Variants in NME4 observed in about 807,000 individuals in gnomAD.
The protein encoded by NME4 is nucleoside diphosphate kinase D, mitochondrial.
NME4 carries 21 observed loss-of-function variants against 16.4 expected under a neutral mutation model. That is an observed-to-expected ratio of 1.28 (90% CI 0.91 to 1.84). The LOEUF is 1.84. NME4 is among the 40% of genes most tolerant of loss of function. NME4 has a pLI of 0.00. For synonymous variants in NME4, 132 were observed against 107.5 expected, an observed-to-expected ratio of 1.23 and a Z score of -1.41; for missense variants, 316 against 261.3, an observed-to-expected ratio of 1.21 and a Z score of -1.44.
At chr16:398,467 G>A in intron 1 of NME4, 1 of 1,101,550 alleles carries the variant, frequency 9.1e-7, no homozygotes, top group Non-Finnish European at 1.2e-6. Flanking sequence ...TTCCTCATGT[G>A]GAAAGTCGGG....
At position 398,228 on chromosome 16, in the gene NME4, G is replaced by A. The variant is rs776975034; in HGVS notation, c.92-762G>A. 1.3e-4 allele frequency: 194 copies of A among 1,438,612 alleles called. 3 individuals carry two copies. In the South Asian group the frequency reaches 2.0e-3, roughly 15 times the overall value. The allele number at this position is 1,438,612 out of a possible 1,614,324, so 89.1% of individuals were successfully genotyped here. On this transcript the variant is annotated intron_variant, in intron 1 of 4. Coordinates refer to ENST00000219479, the MANE Select transcript of NME4 (RefSeq NM_005009.3). The stretch of plus-strand genomic sequence containing the variant: ...GGCAGCGTCCCCTCCAGAGGAGGAC[G>A]GCTGGGGCGGAGCTCAGCGCTGACC...
rs772071802 is a variant in NME4 at position 399,057 on chromosome 16, C to T, written c.159C>T (p.Leu53=). Residue 53 remains leucine, a synonymous_variant, in exon 2 of 5, where the codon CTC becomes CTT. Coordinates refer to ENST00000219479, the MANE Select transcript of NME4 (RefSeq NM_005009.3). ...AVKPDGVQRR[L]VGDVIQRFER... Reference sequence around the variant, plus strand: ...AGCCCGATGGCGTGCAACGGCGGCTCGTTGGGGACGTGATCCAGCGCTTTG... The same window carrying T: ...AGCCCGATGGCGTGCAACGGCGGCTTGTTGGGGACGTGATCCAGCGCTTTG... The T allele has an allele frequency of 7.5e-6, 12 of 1,606,080 alleles. No individual in the cohort carries two copies. Among genetic ancestry groups the T allele is most frequent in the African/African-American group, 4.0e-5 (3 of 74,870 alleles).
chr16:397,791 TCTGA>T (rs886408742), intron 1 of NME4: 14 of 1,345,874 alleles, frequency 1.0e-5, no homozygotes, highest in Non-Finnish European at 1.1e-5. Flanking sequence ...TAGGCCAGAA[TCTGA>T]CTGGGACGTC....
intron 1 of NME4, chr16:398,354 C>T (rs1395842350): frequency 7.8e-7 from 1 of 1,281,488 alleles, no homozygotes; most frequent in Non-Finnish European, 1.0e-6. Context: ...ATCTTCAGGC[C>T]CCTTTTTGTC....
rs771593314 is a variant in NME4 at position 399,436 on chromosome 16, C to T, written c.283C>T (p.Pro95Ser). ...YQDLRRKPFY[P>S]ALIRYMSSGP... ...GGACCTGCGGAGGAAGCCCTTCTAC[C>T]CTGCCCTCATCCGCTACATGAGCTC... Residue 95 changes from proline (P) to serine (S), a missense_variant, in exon 3 of 5, where the codon CCT becomes TCT. By Grantham distance (74) the Pro-to-Ser change is moderately conservative. Coordinates refer to ENST00000219479, the MANE Select transcript of NME4 (RefSeq NM_005009.3). 1.2e-6 allele frequency: 2 copies of T among 1,612,994 alleles called. No individual in the cohort carries two copies. The highest frequency in any genetic ancestry group is 1.7e-6 in the Non-Finnish European group (2 of 1,179,980).
chr16:399,813 C>T (rs1241703603), intron 4 of NME4, 74 bp downstream of exon 4: 82 of 1,228,878 alleles, frequency 6.7e-5, no homozygotes, highest in Non-Finnish European at 7.9e-5. Flanking sequence ...GGCAGATCCA[C>T]GAGACCTGGC....
In NME4 at chr16:397,273, G is replaced by C; in HGVS notation, c.51G>C (p.Pro17=). 1 of 1,054,634 alleles carries C rather than the reference G, an allele frequency of 9.5e-7. No homozygotes were observed. The highest frequency in any genetic ancestry group is 1.1e-6 in the Non-Finnish European group (1 of 876,954). 65.3% of individuals were successfully genotyped at this position (1,054,634 alleles called of 1,614,324 possible). The stretch of plus-strand genomic sequence containing the variant: ...CGCTGCGGGGGCTGCGCTGCGGCCC[G>C]CGGGCCCCGGGCCCGAGCCTGCTAG... ...RSALRGLRCG[P]RAPGPSLLVR... is the part of the protein sequence containing the mutation. The change falls in exon 1 of 5, where the codon CCG becomes CCC. Residue 17 remains proline (P), a synonymous_variant. Coordinates refer to ENST00000219479, the MANE Select transcript of NME4 (RefSeq NM_005009.3).
intron 1 of NME4, chr16:397,762 C>T (rs1461893983): frequency 7.9e-6 from 9 of 1,132,512 alleles, no homozygotes; most frequent in Admixed American, 3.9e-5. Flanking sequence ...TCCGCTGGGG[C>T]GTTCGCTGAA....
intron 1 of NME4, chr16:398,381 A>C: frequency 8.0e-7 from 1 of 1,255,684 alleles, no homozygotes; most frequent in Non-Finnish European, 1.0e-6. Context: ...TCCAGGGCTC[A>C]CCTGGTGGGG....
chr16:397,569 C>T (rs2054568776), intron 1 of NME4, among the ~76,000 whole-genome samples: 1 of 85,086 alleles, frequency 1.2e-5, no homozygotes, highest in Non-Finnish European at 2.3e-5. Flanking sequence ...GCAGCCTGGG[C>T]GGGTCCGGGG....
intron 1 of NME4, 147 bp downstream of exon 1, chr16:397,460 A>C: frequency 4.7e-6 from 1 of 212,278 alleles, no homozygotes; most frequent in Non-Finnish European, 8.1e-6. Context: ...GAGTTGGGGA[A>C]GGCGCCGGCT....
rs917966592 is a variant in NME4 at position 399,405 on chromosome 16, C to G, written c.252C>G (p.His84Gln). 7 of 1,613,014 alleles carry G rather than the reference C, an allele frequency of 4.3e-6. No homozygotes were observed. The highest frequency in any genetic ancestry group is 3.3e-4 in the Middle Eastern group (2 of 6,062). ...CACCAGAGAGCGTCCTTGCCGAGCA[C>G]TACCAGGACCTGCGGAGGAAGCCCT... ...LQAPESVLAE[H>Q]YQDLRRKPFY... Residue 84 changes from histidine to glutamine, a missense_variant, in exon 3 of 5, where the codon CAC (histidine) becomes CAG (glutamine). Physicochemically the swap from His to Gln is conservative, Grantham distance 24. Transcript: ENST00000219479.
chr16:397,922 G>T, intron 1 of NME4: 1 of 1,550,384 alleles, frequency 6.5e-7, no homozygotes. Context: ...CGCCTGCAAT[G>T]CCCGCACCAG....
At chr16:398,291 A>G in intron 1 of NME4, 2 of 1,359,562 alleles carry the variant, frequency 1.5e-6, no homozygotes, top group Non-Finnish European at 1.9e-6. Flanking sequence ...ACTCCACAGC[A>G]GCACAGGCCC....
In NME4 at chr16:399,689, T is replaced by G; in HGVS notation, c.390T>G (p.Ala130=). 1 of 1,613,102 alleles carries G rather than the reference T, an allele frequency of 6.2e-7. No homozygotes were observed. The highest frequency in any genetic ancestry group is 1.1e-5 in the South Asian group (1 of 91,088). ...SRAMIGHTDS[A]EAAPGTIRGD... Reference sequence around the variant, plus strand: ...CCATGATTGGACACACCGACTCGGCTGAGGCTGCCCCAGGAACCATAAGGG... The same window carrying G: ...CCATGATTGGACACACCGACTCGGCGGAGGCTGCCCCAGGAACCATAAGGG... Residue 130 remains alanine, a synonymous_variant, in exon 4 of 5, where the codon GCT becomes GCG. Coordinates refer to ENST00000219479, the MANE Select transcript of NME4 (RefSeq NM_005009.3).
Position 399,359 on chromosome 16 carries a change from C to G in NME4, c.226-20C>G. The G allele has an allele frequency of 6.2e-7, 1 of 1,610,998 alleles. No homozygotes were observed. Among genetic ancestry groups the G allele is most frequent in the Non-Finnish European group, 8.5e-7 (1 of 1,178,202 alleles). On this transcript the variant is annotated intron_variant, in intron 2 of 4. Coordinates refer to ENST00000219479, the MANE Select transcript of NME4 (RefSeq NM_005009.3). ...CCACGTTTACTGTCTGCGGCTCCTC[C>G]TTACCTCAATGCCACCCAGGCACCA...
At chr16:397,888 C>T (rs1246590560) in intron 1 of NME4, 1 of 1,555,224 alleles carries the variant, frequency 6.4e-7, no homozygotes, top group Non-Finnish European at 8.7e-7. Context: ...GGGCTCCCTC[C>T]ATCGGCTCTG....
chr16:399,870 A>C, intron 4 of NME4, 131 bp downstream of exon 4: 1 of 736,774 alleles, frequency 1.4e-6, no homozygotes, highest in Non-Finnish European at 2.3e-6. Context: ...GACAGCTCAC[A>C]CTGGTGAGAG....
rs1042309938 is a variant in NME4 at position 400,508 on chromosome 16, T to C, written c.*166T>C. 3 of 754,774 alleles carry C rather than the reference T, an allele frequency of 4.0e-6. No homozygotes were observed. The highest frequency in any genetic ancestry group is 6.0e-6 in the Non-Finnish European group (3 of 496,512). 46.8% of individuals were successfully genotyped at this position (754,774 alleles called of 1,614,324 possible). A position where few individuals can be genotyped will look rare whatever the true frequency, so the allele number is the denominator to read the frequency against. On this transcript the variant is annotated 3_prime_UTR_variant, in exon 5 of 5. Transcript: ENST00000219479. Reference sequence around the variant, plus strand: ...GTTTGAGCCACCAACTTCAGTGCCTTTCTGTACCCCAAGCCAGCACAAGAT... The same window carrying C: ...GTTTGAGCCACCAACTTCAGTGCCTCTCTGTACCCCAAGCCAGCACAAGAT...
Sources: allele counts gnomAD v4.1 joint callset (sites outside exome capture counted in the v4.1 genomes callset), GRCh38; gene constraint gnomAD v4.1.1; transcripts MANE v1.5; gene names NCBI Gene and HGNC (gene_info 2026-07-23, HGNC 2026-07-21).